The following TNRC6B variants were observed in gnomAD, a reference collection of about 807,000 sequenced individuals.
TNRC6B encodes the protein trinucleotide repeat containing adaptor 6B.
A neutral mutation model predicts 203.6 loss-of-function variants in TNRC6B; 52 were observed. The observed-to-expected ratio is 0.26, with a 90% confidence interval of 0.20 to 0.32. TNRC6B has a LOEUF of 0.32. Among genes scored for constraint, TNRC6B ranks in the 10% least tolerant of loss-of-function variants. The pLI is 1.00. For missense variants in TNRC6B, 1,923 were observed against 2,286.2 expected (o/e 0.84, Z 3.24); for synonymous variants, 838 against 845.7 (o/e 0.99, Z 0.16).
At chr22:40,161,727 T>TA (rs2068872770) in intron 4 of TNRC6B, among the ~76,000 whole-genome samples, 1 of 152,242 alleles carries the variant, frequency 6.6e-6, no homozygotes, top group Non-Finnish European at 1.5e-5. Context: ...CTGTAAACAC[T>TA]TTATGTGTAT....
chr22:40,087,362 T>C (rs572164764), intron 1 of TNRC6B, among the ~76,000 whole-genome samples: 2 of 152,360 alleles, frequency 1.3e-5, no homozygotes, highest in African/African-American at 2.4e-5. Flanking sequence ...ATACATGATA[T>C]GTTAAGCTTT....
At chr22:40,098,609 A>T (rs1250765172) in intron 1 of TNRC6B, among the ~76,000 whole-genome samples, 1 of 152,108 alleles carries the variant, frequency 6.6e-6, no homozygotes, top group East Asian at 1.9e-4. Context: ...ATGTATTAGT[A>T]ATTTCTTACT....
rs1478857731 is a variant in TNRC6B at position 40,330,178 on chromosome 22, GT to G, written c.*6942del. 3.9e-5 allele frequency: 6 copies of G among 152,124 alleles called. No individual in the cohort carries two copies. Among genetic ancestry groups the G allele is most frequent in the Admixed American group, 3.9e-4 (6 of 15,282 alleles). The allele number at this position is 152,124 out of a possible 1,614,324, so 9.4% of individuals were successfully genotyped here. ...TAGCCAATATCAACAAGTTGGGATG[GT>G]TTTTGTTTTTTTCTTTTTTTTCAAA... On this transcript the variant is annotated 3_prime_UTR_variant, in exon 23 of 23. Transcript: ENST00000454349.
chr22:40,289,429 A>G (rs1218950893), intron 12 of TNRC6B, among the ~76,000 whole-genome samples: 1 of 152,194 alleles, frequency 6.6e-6, no homozygotes, highest in Non-Finnish European at 1.5e-5. Flanking sequence ...GACAGTGGGA[A>G]TTAACCTTCT....
rs1198902465 is a variant in TNRC6B, at chr22:40,312,473, TCCTTCTCTAATA to T, written c.4436-31_4436-20del. The T allele has an allele frequency of 6.3e-7, 1 of 1,592,740 alleles. No individual in the cohort carries two copies. The highest frequency in any genetic ancestry group is 1.8e-5 in the Admixed American group (1 of 55,326). On this transcript the variant is annotated intron_variant, in intron 17 of 22. Coordinates refer to ENST00000454349, the MANE Select transcript of TNRC6B (RefSeq NM_001162501.2). ...CTATATCATTTTTTTTTAACGACCT[TCCTTCTCTAATA>T]TTTGTTTTCCTTGTCTCAGAATTCC...
chr22:40,305,887 C>T (rs1359714929), intron 15 of TNRC6B, among the ~76,000 whole-genome samples: 2 of 151,556 alleles, frequency 1.3e-5, no homozygotes, highest in African/African-American at 4.9e-5. Flanking sequence ...TCCTTCTTTC[C>T]TCTTATGTTT....
chr22:40,160,561 T>A (rs1490924053), intron 4 of TNRC6B, among the ~76,000 whole-genome samples: 1 of 152,122 alleles, frequency 6.6e-6, no homozygotes, highest in Non-Finnish European at 1.5e-5. Context: ...CTTATTCTTA[T>A]ATCTTTATTT....
chr22:40,194,193 G>C (rs777430329), intron 1 of TNRC6B, among the ~76,000 whole-genome samples: 1 of 152,222 alleles, frequency 6.6e-6, no homozygotes, highest in Non-Finnish European at 1.5e-5. Context: ...GTCTGGGTTG[G>C]AGGAGGTGGG....
intron 1 of TNRC6B, among the ~76,000 whole-genome samples, chr22:40,227,454 A>G (rs934686420): frequency 1.4e-5 from 2 of 147,492 alleles, no homozygotes; most frequent in African/African-American, 2.5e-5. Context: ...GGTTCAAGCA[A>G]TTCTGCTGCC....
intron 1 of TNRC6B, among the ~76,000 whole-genome samples, chr22:40,209,058 A>G (rs774856027): frequency 1.3e-5 from 2 of 152,160 alleles, no homozygotes; most frequent in Non-Finnish European, 2.9e-5. Context: ...TCATTTTATT[A>G]TTATTATTAT....
At position 40,265,772 on chromosome 22, in the gene TNRC6B, G is replaced by C; in HGVS notation, c.1542G>C (p.Pro514=). The C allele has an allele frequency of 1.2e-6, 2 of 1,613,942 alleles. No homozygotes were observed. Among genetic ancestry groups the C allele is most frequent in the Non-Finnish European group, 1.7e-6 (2 of 1,179,878 alleles). ...SGVSQGEWKQ[P]TGSDELKIGE... is the part of the protein sequence containing the mutation. The stretch of plus-strand genomic sequence containing the variant: ...TCTCTCAGGGAGAATGGAAACAGCC[G>C]ACTGGGTCTGATGAGTTGAAAATTG... Residue 514 remains proline, a synonymous_variant, in exon 5 of 23, where the codon CCG becomes CCC. Transcript: ENST00000454349.
intron 3 of TNRC6B, among the ~76,000 whole-genome samples, chr22:40,137,642 G>A (rs1446845309): frequency 1.3e-5 from 2 of 152,138 alleles, no homozygotes; most frequent in Non-Finnish European, 2.9e-5. Flanking sequence ...GGGAACTATT[G>A]AAGGATGTTA....
chr22:40,256,340 G>T (rs1419089517), intron 3 of TNRC6B, among the ~76,000 whole-genome samples: 1 of 152,120 alleles, frequency 6.6e-6, no homozygotes, highest in Admixed American at 6.5e-5. Flanking sequence ...TTGTCACATT[G>T]ATTTTGTTTT....
chr22:40,048,540 C>CAAA lies in TNRC6B; in HGVS notation c.-121+3559_-121+3561dup, dbSNP rs575286994. 7.7e-3 allele frequency among the ~76,000 whole-genome samples: 658 copies of CAAA among 85,306 alleles called. 5 individuals are homozygous for CAAA. The highest frequency in any genetic ancestry group is 0.025 in the African/African-American group (631 of 25,256). 56.0% of individuals were successfully genotyped at this position (85,306 alleles called of 152,430 possible). On this transcript the variant is annotated intron_variant, in intron 1 of 23. Coordinates refer to the TNRC6B transcript ENST00000301923. ...TGGGCAACAGAGCGAGGCTCCGTCT[C>CAAA]AAAAAAAAAAAAAAAAAAATTTCCA...
At chr22:40,100,062 T>C (rs985468046) in intron 1 of TNRC6B, among the ~76,000 whole-genome samples, 3 of 139,298 alleles carry the variant, frequency 2.2e-5, no homozygotes, top group African/African-American at 8.4e-5. Context: ...CTCCATTTTA[T>C]TTTTATTATT....
upstream of TNRC6B, among the ~76,000 whole-genome samples, chr22:40,176,543 G>A (rs1389824677): frequency 3.9e-5 from 6 of 152,090 alleles, no homozygotes; most frequent in Non-Finnish European, 5.9e-5. Context: ...TTTATATTCA[G>A]GTGGCAGATT....
At chr22:40,110,923 A>G (rs770744482) in intron 1 of TNRC6B, among the ~76,000 whole-genome samples, 25 of 152,324 alleles carry the variant, frequency 1.6e-4, no homozygotes, top group Middle Eastern at 3.4e-3. Context: ...TTATTCCACA[A>G]TAATTTATTG....
intron 7 of TNRC6B, among the ~76,000 whole-genome samples, chr22:40,274,842 T>C (rs2146514082): frequency 6.6e-6 from 1 of 152,336 alleles, no homozygotes; most frequent in African/African-American, 2.4e-5. Flanking sequence ...AACAGTAGTC[T>C]TTGAGCCTGA....
chr22:40,116,080 C>T (rs946745707), intron 1 of TNRC6B, among the ~76,000 whole-genome samples: 1 of 152,242 alleles, frequency 6.6e-6, no homozygotes, highest in Admixed American at 6.5e-5. Context: ...TTCAGATTCC[C>T]TGCAGCACCA....
Sources: allele counts gnomAD v4.1 joint callset (sites outside exome capture counted in the v4.1 genomes callset), GRCh38; gene constraint gnomAD v4.1.1; transcripts MANE v1.5; gene names NCBI Gene and HGNC (gene_info 2026-07-23, HGNC 2026-07-21).